The following PRKD1 variants were observed in gnomAD, a reference collection of about 807,000 sequenced individuals.
The protein encoded by PRKD1 is serine/threonine-protein kinase D1.
Under a neutral mutation model 95.9 loss-of-function variants are expected in PRKD1, and 63 were observed. The observed-to-expected ratio is 0.66, with a 90% CI of 0.54 to 0.81. PRKD1 has a LOEUF of 0.81. PRKD1 is among the 30% of genes least tolerant of loss of function. PRKD1 has a pLI of 0.00. For missense variants in PRKD1, 1,048 were observed against 1,165.3 expected (o/e 0.90, Z 1.47); for synonymous variants, 425 against 423.1 (o/e 1.00, Z -0.05).
chr14:29,658,988 T>C (rs1882044365), intron 4 of PRKD1, among the ~76,000 whole-genome samples: 1 of 152,228 alleles, frequency 6.6e-6, no homozygotes, highest in South Asian at 2.1e-4. Flanking sequence ...GATCCATTGC[T>C]ATTATCATTT....
chr14:29,850,765 G>A (rs1892277529), intron 1 of PRKD1, among the ~76,000 whole-genome samples: 1 of 151,458 alleles, frequency 6.6e-6, no homozygotes, highest in Admixed American at 6.6e-5. Flanking sequence ...AGCCCAAATA[G>A]CCAAAGCAAT....
intron 1 of PRKD1, among the ~76,000 whole-genome samples, chr14:29,857,762 C>T (rs1958990): frequency 0.12 from 18,618 of 151,988 alleles, 1,358 homozygotes; most frequent in Middle Eastern, 0.17. Flanking sequence ...AAAAAGGCAG[C>T]GAGGGGAAAC....
chr14:29,630,702 A>T (rs199577238), intron 10 of PRKD1, 40 bp downstream of exon 10: 7 of 1,613,148 alleles, frequency 4.3e-6, no homozygotes, highest in Non-Finnish European at 5.9e-6. Flanking sequence ...GGGTAGGCAC[A>T]TGATGAGCTT....
At chr14:29,920,015 G>GGGAAGGAAGGAAGGAAGGAAGGAAGGAA in intron 1 of PRKD1, among the ~76,000 whole-genome samples, 1 of 104,392 alleles carries the variant, frequency 9.6e-6, no homozygotes, top group Non-Finnish European at 1.8e-5. Context: ...GAAGGAAGGA[G>GGGAAGGAAGGAAGGAAGGAAGGAAGGAA]GGAAGGAAGG....
chr14:29,780,075 G>C lies in PRKD1; in HGVS notation c.265-54401C>G, dbSNP rs185980559. ...TTTAATAAATGGTGTTGAGAAAACT[G>C]GCTAGCCATATGTAGAAAGCTGAAA... On this transcript the variant is annotated intron_variant, in intron 1 of 17. Coordinates refer to ENST00000331968, the MANE Select transcript of PRKD1 (RefSeq NM_002742.3). Among the ~76,000 whole-genome samples, 949 of 152,250 alleles carry C rather than the reference G, an allele frequency of 6.2e-3. 15 individuals carry two copies. The highest frequency in any genetic ancestry group is 0.021 in the African/African-American group (884 of 41,536).
chr14:29,746,600 G>A lies in PRKD1; in HGVS notation c.265-20926C>T, dbSNP rs1022508501. ...ATGTGAGCTCACTTGGGGAGCGACT[G>A]TGTGTGTGCTTTGGTTCATTACTGT... On this transcript the variant is annotated intron_variant, in intron 1 of 17. Transcript: ENST00000331968. Among the ~76,000 whole-genome samples, 8 of 152,182 alleles carry A rather than the reference G, an allele frequency of 5.3e-5. No homozygotes were observed. The South Asian group carries it at 1.0e-3, about 20-fold the overall frequency.
intron 2 of PRKD1, among the ~76,000 whole-genome samples, chr14:29,691,912 A>G (rs1410570432): frequency 6.6e-6 from 1 of 152,204 alleles, no homozygotes; most frequent in Admixed American, 6.5e-5. Flanking sequence ...GCTAAAAAAA[A>G]GGAGGTTTTC....
intron 1 of PRKD1, among the ~76,000 whole-genome samples, chr14:29,726,578 T>C (rs1481826559): frequency 6.6e-6 from 1 of 152,092 alleles, no homozygotes; most frequent in African/African-American, 2.4e-5. Context: ...CGGGGAGAAA[T>C]GTCCAGAATC....
intron 2 of PRKD1, among the ~76,000 whole-genome samples, chr14:29,698,673 G>T (rs970839261): frequency 6.6e-6 from 1 of 151,794 alleles, no homozygotes; most frequent in African/African-American, 2.4e-5. Flanking sequence ...GATAATGTAA[G>T]TGCCTCCTGG....
At chr14:29,721,489 A>G (rs963881017) in intron 2 of PRKD1, among the ~76,000 whole-genome samples, 10 of 152,216 alleles carry the variant, frequency 6.6e-5, no homozygotes, top group Admixed American at 6.5e-5. Context: ...GATAATTATT[A>G]GAGATCAAGC....
intron 1 of PRKD1, among the ~76,000 whole-genome samples, chr14:29,893,186 G>C (rs1334292082): frequency 6.6e-6 from 1 of 151,946 alleles, no homozygotes; most frequent in Non-Finnish European, 1.5e-5. Flanking sequence ...TTTTCTAGTA[G>C]AGATGGTAGA....
intron 1 of PRKD1, among the ~76,000 whole-genome samples, chr14:29,859,632 T>G (rs1892634893): frequency 6.7e-6 from 1 of 150,268 alleles, no homozygotes; most frequent in African/African-American, 2.4e-5. Context: ...AATCTGACAG[T>G]AATAATGTCT....
intron 1 of PRKD1, among the ~76,000 whole-genome samples, chr14:29,832,775 A>G (rs549539267): frequency 5.1e-4 from 78 of 152,254 alleles, no homozygotes; most frequent in African/African-American, 1.8e-3. Flanking sequence ...CCTTTTATTT[A>G]AAGTAAAAAT....
intron 1 of PRKD1, among the ~76,000 whole-genome samples, chr14:29,750,582 G>A (rs1887429122): frequency 6.6e-6 from 1 of 151,196 alleles, no homozygotes; most frequent in South Asian, 2.1e-4. Context: ...GCCTTGGACA[G>A]GACATCATCC....
At chr14:29,670,077 A>C (rs1882754150) in intron 2 of PRKD1, among the ~76,000 whole-genome samples, 1 of 152,232 alleles carries the variant, frequency 6.6e-6, no homozygotes. Flanking sequence ...ATAATGCTAA[A>C]AGCAAGCCTT....
chr14:29,747,514 A>G (rs921497310), intron 1 of PRKD1, among the ~76,000 whole-genome samples: 1 of 152,310 alleles, frequency 6.6e-6, no homozygotes, highest in African/African-American at 2.4e-5. Context: ...TCATAGCAGC[A>G]CTATTCACAA....
intron 4 of PRKD1, among the ~76,000 whole-genome samples, chr14:29,651,281 A>T (rs902750225): frequency 6.6e-6 from 1 of 152,254 alleles, no homozygotes; most frequent in Admixed American, 6.5e-5. Flanking sequence ...CACTCAAGTG[A>T]TATTTTCAGT....
At chr14:29,792,499 T>C (rs528456520) in intron 1 of PRKD1, among the ~76,000 whole-genome samples, 2 of 152,250 alleles carry the variant, frequency 1.3e-5, no homozygotes, top group African/African-American at 4.8e-5. Flanking sequence ...TAGAGAATAA[T>C]TGTATTCACT....
chr14:29,713,678 A>G (rs1489214916), intron 2 of PRKD1, among the ~76,000 whole-genome samples: 1 of 152,158 alleles, frequency 6.6e-6, no homozygotes. Context: ...AATAGTCTAT[A>G]TATTTTATCA....
Sources: gnomAD v4.1 joint callset for allele counts (sites outside exome capture counted in the v4.1 genomes callset) on GRCh38, gnomAD v4.1.1 for gene constraint, MANE v1.5 for transcripts, NCBI Gene and HGNC (gene_info 2026-07-23, HGNC 2026-07-21) for gene names.